COL17A1: variants seen among roughly 807,000 people sequenced by gnomAD.
COL17A1 encodes the protein collagen type XVII alpha 1 chain.
Under a neutral mutation model 218.4 loss-of-function variants are expected in COL17A1, and 181 were observed. That is an observed-to-expected ratio of 0.83 (90% CI 0.73 to 0.94). COL17A1 has a LOEUF of 0.94. Among genes scored for constraint, COL17A1 ranks in the 40% least tolerant of loss-of-function variants. The pLI is 0.00. For missense variants in COL17A1, 1,924 were observed against 1,945.9 expected, an observed-to-expected ratio of 0.99 and a Z score of 0.21; for synonymous variants, 721 against 731.0, an observed-to-expected ratio of 0.99 and a Z score of 0.22.
chr10:104,078,706 C>T (rs901715864), intron 2 of COL17A1, 120 bp from the exon 3 acceptor site: 2 of 1,380,092 alleles, frequency 1.4e-6, no homozygotes, highest in Non-Finnish European at 2.0e-6. Flanking sequence ...ATTGATTTTT[C>T]TATCCTTGTG....
At chr10:104,051,337 A>G in intron 25 of COL17A1, 144 bp downstream of exon 25, 1 of 1,087,270 alleles carries the variant, frequency 9.2e-7, no homozygotes, top group African/African-American at 1.6e-5. Context: ...GCCACAGGAG[A>G]CACACATGCA....
At chr10:104,083,621 G>A (rs998852465) in intron 1 of COL17A1, among the ~76,000 whole-genome samples, 4 of 151,750 alleles carry the variant, frequency 2.6e-5, no homozygotes, top group African/African-American at 9.7e-5. Context: ...ATGATGTCAC[G>A]TCTACCTAAA....
intron 5 of COL17A1, among the ~76,000 whole-genome samples, chr10:104,076,090 A>T (rs900248174): frequency 2.6e-5 from 4 of 152,246 alleles, no homozygotes; most frequent in African/African-American, 9.6e-5. Flanking sequence ...ACTAGTTGGA[A>T]AAGTAACTAA....
intron 33 of COL17A1, 80 bp from the exon 34 acceptor site, chr10:104,043,940 A>G (rs2086385662): frequency 2.0e-6 from 3 of 1,517,864 alleles, no homozygotes; most frequent in South Asian, 1.1e-5. Flanking sequence ...AAGGCTTCTG[A>G]TTGCATTTGG....
chr10:104,084,924 G>A (rs950440557), intron 1 of COL17A1, among the ~76,000 whole-genome samples: 6 of 152,210 alleles, frequency 3.9e-5, no homozygotes, highest in Non-Finnish European at 7.3e-5. Context: ...AAGAAGGAAT[G>A]TGCCAGAGGT....
At chr10:104,038,990 G>A (rs987027602) in intron 44 of COL17A1, 81 bp downstream of exon 44, 46 of 1,414,294 alleles carry the variant, frequency 3.3e-5, no homozygotes, top group Non-Finnish European at 4.1e-5. Flanking sequence ...ATGAATGAAC[G>A]AATAGAGCAA....
At chr10:104,044,445 G>A (rs1291395884) in intron 33 of COL17A1, among the ~76,000 whole-genome samples, 3 of 152,190 alleles carry the variant, frequency 2.0e-5, no homozygotes, top group Admixed American at 2.0e-4. Flanking sequence ...ATTCCCAAAC[G>A]TATCAACTGG....
At chr10:104,046,199 G>T (rs2086408065) in intron 32 of COL17A1, among the ~76,000 whole-genome samples, 1 of 152,248 alleles carries the variant, frequency 6.6e-6, no homozygotes, top group African/African-American at 2.4e-5. Flanking sequence ...AGCATTGGAA[G>T]CATGTCCCTA....
intron 54 of COL17A1, 70 bp downstream of exon 54, chr10:104,032,836 A>G: frequency 4.4e-6 from 7 of 1,609,072 alleles, no homozygotes; most frequent in Non-Finnish European, 6.0e-6. Context: ...GCACCAGCAC[A>G]GGAGCTGCTT....
At chr10:104,073,362 G>A (rs1398087618) in intron 6 of COL17A1, 117 bp from the exon 7 acceptor site, 1 of 869,206 alleles carries the variant, frequency 1.2e-6, no homozygotes, top group Non-Finnish European at 2.0e-6. Context: ...TCTAAATCCA[G>A]ATAGGGGCTT....
chr10:104,039,500 G>A lies in COL17A1; in HGVS notation c.2841C>T (p.Leu947=), dbSNP rs2086336225. Residue 947 remains leucine (L), a synonymous_variant, in exon 43 of 56, where the codon CTC becomes CTT. Transcript: ENST00000648076. ...FSTSGSSSFG[L]NLQGPPGPPG... ...GTGGGCCTGGTGGTCCCTGAAGGTT[G>A]AGTCCGAAAGAACTGGACCCTGGAA... The A allele has an allele frequency of 2.5e-6, 4 of 1,614,162 alleles. No individual in the cohort carries two copies. The highest frequency in any genetic ancestry group is 3.4e-6 in the Non-Finnish European group (4 of 1,180,046).
intron 8 of COL17A1, among the ~76,000 whole-genome samples, chr10:104,070,919 A>C (rs1348558951): frequency 6.6e-6 from 1 of 152,154 alleles, no homozygotes; most frequent in East Asian, 1.9e-4. Flanking sequence ...GTCCCTTGAA[A>C]CAGATGCTTC....
Position 104,070,514 on chromosome 10 carries a change from C to T in COL17A1, c.519G>A (p.Val173=). 3 of 1,614,176 alleles carry T rather than the reference C, an allele frequency of 1.9e-6. No individual in the cohort carries two copies. The highest frequency in any genetic ancestry group is 2.5e-6 in the Non-Finnish European group (3 of 1,180,046). The change falls in exon 9 of 56, where the codon GTG becomes GTA. Residue 173 remains valine (V), a synonymous_variant. Transcript: ENST00000648076. ...TGTTGGAGGAATTCCGGGTGGGGCT[C>T]ACACTTGCCGATCGACTCCCCTTGA... ...RLLKGSRSAS[V]SPTRNSSNTL...
At chr10:104,069,832 T>C (rs1289123100) in intron 9 of COL17A1, among the ~76,000 whole-genome samples, 1 of 152,060 alleles carries the variant, frequency 6.6e-6, no homozygotes, top group African/African-American at 2.4e-5. Context: ...CCAAGGTCCC[T>C]ATCAAGTGGT....
chr10:104,076,187 GT>G, intron 5 of COL17A1, 113 bp downstream of exon 5: 1 of 1,519,206 alleles, frequency 6.6e-7, no homozygotes, highest in Non-Finnish European at 9.1e-7. Flanking sequence ...TGAAGGAGGA[GT>G]GGGGAGAAAG....
chr10:104,044,131 G>A (rs1208699160), intron 33 of COL17A1, among the ~76,000 whole-genome samples: 1 of 152,242 alleles, frequency 6.6e-6, no homozygotes, highest in Non-Finnish European at 1.5e-5. Context: ...AGTGAGCCCA[G>A]AATGGGGCTG....
At chr10:104,045,214 G>A (rs1226576242) in intron 33 of COL17A1, among the ~76,000 whole-genome samples, 1 of 152,128 alleles carries the variant, frequency 6.6e-6, no homozygotes, top group Non-Finnish European at 1.5e-5. Flanking sequence ...GACCCCCGAG[G>A]ATGAGCTCCC....
rs2086712250 is a variant in COL17A1, at chr10:104,076,525, G to T, written c.203-96C>A. 3.2e-6 allele frequency: 5 copies of T among 1,573,748 alleles called. No homozygotes were observed. The East Asian group carries it at 1.1e-4, about 36-fold the overall frequency. On this transcript the variant is annotated intron_variant, in intron 4 of 55. Coordinates refer to ENST00000648076, the MANE Select transcript of COL17A1 (RefSeq NM_000494.4). ...AGCTATATTAACCAAGTACACTCAG[G>T]GAGGGTCTTCGGGAGGGCACAGCTG...
At chr10:104,073,301 C>A in intron 6 of COL17A1, 56 bp from the exon 7 acceptor site, 1 of 1,487,562 alleles carries the variant, frequency 6.7e-7, no homozygotes, top group Non-Finnish European at 9.4e-7. Flanking sequence ...ATGCTAAATA[C>A]TTTTGACATG....
Sources: allele counts gnomAD v4.1 joint callset (sites outside exome capture counted in the v4.1 genomes callset), GRCh38; gene constraint gnomAD v4.1.1; transcripts MANE v1.5; gene names NCBI Gene and HGNC (gene_info 2026-07-23, HGNC 2026-07-21).